RLIM: variants seen among roughly 807,000 people sequenced by gnomAD.
RLIM encodes ring finger protein, LIM domain interacting.
RLIM carries 2 observed loss-of-function variants against 34.0 expected under a neutral mutation model. That is an observed-to-expected ratio of 0.06 (90% CI 0.02 to 0.19). RLIM has a LOEUF of 0.19. Among genes scored for constraint, RLIM ranks in the 10% least tolerant of loss-of-function variants. RLIM has a pLI of 1.00. For synonymous variants in RLIM, 169 were observed against 164.0 expected (o/e 1.03, Z -0.23); for missense variants, 286 against 479.7 (o/e 0.60, Z 3.77).
At chrX:74,613,091 C>T (rs149217095) in intron 1 of RLIM, among the ~76,000 whole-genome samples, 1,472 of 109,776 alleles carry the variant, frequency 0.013, 26 homozygotes, top group African/African-American at 0.046. Context: ...GCTACCTAAG[C>T]TATATTTCTA....
intron 1 of RLIM, among the ~76,000 whole-genome samples, chrX:74,601,785 G>C (rs1024159560): frequency 9.9e-5 from 11 of 111,660 alleles, no homozygotes; most frequent in Non-Finnish European, 1.9e-4. Context: ...AAGAAATATA[G>C]ACCAGTGTAA....
intron 1 of RLIM, among the ~76,000 whole-genome samples, chrX:74,610,188 G>A (rs745520684): frequency 1.8e-5 from 2 of 111,992 alleles, no homozygotes; most frequent in Non-Finnish European, 3.8e-5. Flanking sequence ...AGGCCAAGGC[G>A]GGCGGATCAC....
intron 1 of RLIM, 129 bp from the exon 2 acceptor site, chrX:74,596,129 C>G (rs1043598208): frequency 4.9e-6 from 2 of 405,946 alleles, no homozygotes; most frequent in African/African-American, 5.1e-5. Flanking sequence ...AATTTCCTAA[C>G]AAAAACTCCT....
chrX:74,609,487 CAAAAA>C (rs752008137), intron 1 of RLIM, among the ~76,000 whole-genome samples: 6 of 32,798 alleles, frequency 1.8e-4, no homozygotes, highest in African/African-American at 4.6e-4. Context: ...GACTCCGTTT[CAAAAA>C]AAAAAAAAAA....
At chrX:74,614,345 G>T (rs1024521252) in intron 1 of RLIM, 77 bp downstream of exon 1, 3 of 112,823 alleles carry the variant, frequency 2.7e-5, no homozygotes, top group Non-Finnish European at 5.6e-5. Flanking sequence ...CATTTTGAGA[G>T]AACGCGGCAG....
Position 74,591,342 on chromosome X carries a change from T to C in RLIM, c.*98A>G. 1.7e-6 allele frequency: 1 copy of C among 598,774 alleles called. No individual in the cohort carries two copies. 49.3% of individuals were successfully genotyped at this position (598,774 alleles called of 1,213,427 possible). Reference sequence around the variant, plus strand: ...GCAATGACTCAATTCAGGTTGTTACTTTACATTTAAGTACCACTCAAAAAG... The same window carrying C: ...GCAATGACTCAATTCAGGTTGTTACCTTACATTTAAGTACCACTCAAAAAG... On this transcript the variant is annotated 3_prime_UTR_variant, in exon 4 of 4. Transcript: ENST00000332687.
In RLIM at chrX:74,591,482, G is replaced by A. The variant is rs369472381; in HGVS notation, c.1833C>T (p.Arg611=). The A allele has an allele frequency of 2.5e-6, 3 of 1,209,162 alleles. No individual in the cohort carries two copies. In the African/African-American group the frequency reaches 5.2e-5, roughly 21 times the overall value. ...LSENSTCPIC[R]RAVLASGNRE... ...TGTTACCAGAAGCTAAGACTGCTCT[G>A]CGACAAATAGGACAGGTAGAATTCT... The change falls in exon 4 of 4, where the codon CGC becomes CGT. Residue 611 remains arginine, a synonymous_variant. Transcript: ENST00000332687.
chrX:74,605,653 G>T (rs903595116), intron 1 of RLIM, among the ~76,000 whole-genome samples: 2 of 111,809 alleles, frequency 1.8e-5, no homozygotes, highest in African/African-American at 6.5e-5. Context: ...CATATGATTA[G>T]CATCAGCTGT....
Position 74,591,437 on chromosome X carries a change from T to C in RLIM, c.*3A>G. 8.3e-7 allele frequency: 1 copy of C among 1,202,110 alleles called. No individual in the cohort carries two copies. The stretch of plus-strand genomic sequence containing the variant: ...GCTACATAGCTGAGAGTTCAGATCT[T>C]AATTACACAACACTTTCTCTGTTAC... On this transcript the variant is annotated 3_prime_UTR_variant, in exon 4 of 4. Coordinates refer to ENST00000332687, the MANE Select transcript of RLIM (RefSeq NM_016120.4).
Position 74,587,877 on chromosome X carries a change from T to C in RLIM, c.*3563A>G, listed in dbSNP as rs944467392. On this transcript the variant is annotated 3_prime_UTR_variant, in exon 4 of 4. Transcript: ENST00000332687. ...GAGGCAACACTTACAGCCAATCAGTTTCCTAATCTTAAGGTTTGGATGAAT... is the reference window on the plus strand; with the variant it reads ...GAGGCAACACTTACAGCCAATCAGTCTCCTAATCTTAAGGTTTGGATGAAT... 2 of 112,274 alleles carry C rather than the reference T, an allele frequency of 1.8e-5. No individual in the cohort carries two copies. The highest frequency in any genetic ancestry group is 6.5e-5 in the African/African-American group (2 of 30,878). 9.3% of individuals were successfully genotyped at this position (112,274 alleles called of 1,213,427 possible). A position where few individuals can be genotyped will look rare whatever the true frequency, so the allele number is the denominator to read the frequency against.
chrX:74,592,139 A>G lies in RLIM; in HGVS notation c.1176T>C (p.Thr392=), dbSNP rs145694866. The change falls in exon 4 of 4, where the codon ACT becomes ACC. Residue 392 remains threonine, a synonymous_variant. Transcript: ENST00000332687. The part of the protein sequence containing the change: ...IRIPIRRILN[T]GLSETTSVAI... ...CAACAGATGTAGTCTCACTTAAACC[A>G]GTATTTAAGATTCTACGAATGGGAA... is the stretch of plus-strand genomic sequence containing the variant. 1.7e-6 allele frequency: 2 copies of G among 1,211,205 alleles called. No homozygotes were observed. Among genetic ancestry groups the G allele is most frequent in the Non-Finnish European group, 1.1e-6 (1 of 894,874 alleles).
In RLIM at chrX:74,604,113, CA is replaced by C. The variant is rs60040804; in HGVS notation, c.-23-8114del. On this transcript the variant is annotated intron_variant, in intron 1 of 3. Coordinates refer to ENST00000332687, the MANE Select transcript of RLIM (RefSeq NM_016120.4). ...CTGGGCGACAGAGTAGACTCTGTCTCAAAAAAAAAAAAAATCATTTCAACAT... is the reference window on the plus strand; with the variant it reads ...CTGGGCGACAGAGTAGACTCTGTCTCAAAAAAAAAAAAATCATTTCAACAT... 1.3e-3 allele frequency among the ~76,000 whole-genome samples: 100 copies of C among 77,912 alleles called. 2 individuals are homozygous for C. Among genetic ancestry groups the C allele is most frequent in the Admixed American group, 3.8e-3 (27 of 7,084 alleles). The allele number at this position is 77,912 out of a possible 115,157, so 67.7% of individuals were successfully genotyped here.
intron 1 of RLIM, 112 bp from the exon 2 acceptor site, chrX:74,596,112 C>T (rs2079638671): frequency 2.2e-6 from 1 of 447,646 alleles, no homozygotes; most frequent in East Asian, 4.1e-5. Context: ...TTTCAGACCT[C>T]AAATGAAATT....
intron 1 of RLIM, among the ~76,000 whole-genome samples, chrX:74,612,317 C>CT (rs893947191): frequency 1.8e-5 from 2 of 111,890 alleles, no homozygotes; most frequent in Non-Finnish European, 3.8e-5. Context: ...TGTTGTTGTT[C>CT]TATACAGGTA....
intron 1 of RLIM, among the ~76,000 whole-genome samples, chrX:74,596,648 A>G (rs2079641389): frequency 8.9e-6 from 1 of 112,417 alleles, no homozygotes; most frequent in Non-Finnish European, 1.9e-5. Context: ...TAGTGTTCAT[A>G]AAGTTTTATT....
intron 1 of RLIM, among the ~76,000 whole-genome samples, chrX:74,607,478 C>T (rs1057127896): frequency 1.5e-4 from 17 of 112,965 alleles, no homozygotes; most frequent in African/African-American, 5.5e-4. Context: ...GGGAGGCCGA[C>T]GCGGGCGGAT....
rs185661488 is a variant in RLIM, at chrX:74,607,485, G to A, written c.-24+6937C>T. On this transcript the variant is annotated intron_variant, in intron 1 of 3. Transcript: ENST00000332687. The stretch of plus-strand genomic sequence containing the variant: ...AACACTTCGGGAGGCCGACGCGGGC[G>A]GATCACCTGAGGTCAGGAGTTCAAG... Among the ~76,000 whole-genome samples the A allele has an allele frequency of 5.4e-3, 609 of 112,968 alleles. 7 individuals are homozygous for A. The highest frequency in any genetic ancestry group is 0.019 in the African/African-American group (584 of 31,164).
At chrX:74,610,765 C>T (rs1478419789) in intron 1 of RLIM, among the ~76,000 whole-genome samples, 7 of 109,764 alleles carry the variant, frequency 6.4e-5, no homozygotes, top group Non-Finnish European at 1.3e-4. Context: ...TGGAGAGCGC[C>T]TGTACTCCCA....
rs183850851 is a variant in RLIM, at chrX:74,594,428, G to A, written c.170-39C>T. The A allele has an allele frequency of 5.2e-3, 4,787 of 915,910 alleles. 12 individuals carry two copies. The highest frequency in any genetic ancestry group is 6.7e-3 in the Non-Finnish European group (4,387 of 655,430). The allele number at this position is 915,910 out of a possible 1,213,427, so 75.5% of individuals were successfully genotyped here. On this transcript the variant is annotated intron_variant, in intron 2 of 3. Coordinates refer to ENST00000332687, the MANE Select transcript of RLIM (RefSeq NM_016120.4). ...CCACAGGGCAAAGATGACATTAGGG[G>A]TATGACAATCAAATACTTTATCAGT... is the stretch of plus-strand genomic sequence containing the variant.
Sources: allele counts gnomAD v4.1 joint callset (sites outside exome capture counted in the v4.1 genomes callset), GRCh38; gene constraint gnomAD v4.1.1; transcripts MANE v1.5; gene names NCBI Gene and HGNC (gene_info 2026-07-23, HGNC 2026-07-21).